The following MARCHF1 variants were observed in gnomAD, a reference collection of about 807,000 sequenced individuals.
The protein encoded by MARCHF1 is E3 ubiquitin-protein ligase MARCHF1.
MARCHF1 carries 40 observed loss-of-function variants against 54.2 expected under a neutral mutation model. That is an observed-to-expected ratio of 0.74 (90% CI 0.57 to 0.96). The LOEUF (loss-of-function observed/expected upper bound fraction) is 0.96, where lower values mean the gene tolerates loss of function less well. MARCHF1 is among the 40% of genes least tolerant of loss of function. The probability of loss-of-function intolerance (pLI) is 0.00; values close to 1 mark genes in which losing one functional copy is unlikely to be tolerated. For missense variants in MARCHF1, 586 were observed against 656.5 expected, an observed-to-expected ratio of 0.89 and a Z score of 1.17; for synonymous variants, 236 against 236.3, an observed-to-expected ratio of 1.00 and a Z score of 0.01.
chr4:164,245,080 A>G (rs1288860420), intron 1 of MARCHF1, among the ~76,000 whole-genome samples: 2 of 152,212 alleles, frequency 1.3e-5, no homozygotes, highest in African/African-American at 2.4e-5. Context: ...TCAATAGAAA[A>G]AGAGGGAACC....
At chr4:164,116,767 ATG>A (rs954106821) in intron 1 of MARCHF1, among the ~76,000 whole-genome samples, 50 of 151,974 alleles carry the variant, frequency 3.3e-4, no homozygotes, top group African/African-American at 1.1e-3. Flanking sequence ...CAAGAAACAA[ATG>A]TGTGTGTGTG....
intron 7 of MARCHF1, among the ~76,000 whole-genome samples, chr4:163,598,820 T>C (rs994515322): frequency 6.6e-6 from 1 of 152,214 alleles, no homozygotes; most frequent in Non-Finnish European, 1.5e-5. Flanking sequence ...AAAAATATTT[T>C]TCTTCTTTCA....
Position 163,717,322 on chromosome 4 carries a change from G to T in MARCHF1, c.112-16459C>A, listed in dbSNP as rs577416973. ...TCATCCATGTCCCTACAAAGGACAT[G>T]AACTCATCATTTTTTATGGCTGCAT... On this transcript the variant is annotated intron_variant, in intron 4 of 9. Transcript: ENST00000514618. 1.1e-3 allele frequency among the ~76,000 whole-genome samples: 166 copies of T among 151,646 alleles called. 4 individuals are homozygous for T. The South Asian group carries it at 0.013, about 12-fold the overall frequency.
rs533593743 is a variant in MARCHF1, at chr4:164,266,700, T to C, written c.-323+117170A>G. Among the ~76,000 whole-genome samples, 968 of 152,278 alleles carry C rather than the reference T, an allele frequency of 6.4e-3. 14 individuals are homozygous for C. The highest frequency in any genetic ancestry group is 0.022 in the African/African-American group (923 of 41,570). Reference sequence around the variant, plus strand: ...TGCCCATTTCAGGAGAAATCTTGCATATGAAAACAAGAGATAAATATACAC... The same window carrying C: ...TGCCCATTTCAGGAGAAATCTTGCACATGAAAACAAGAGATAAATATACAC... On this transcript the variant is annotated intron_variant, in intron 1 of 9. Transcript: ENST00000514618.
chr4:163,955,688 C>T (rs1752218979), intron 3 of MARCHF1, among the ~76,000 whole-genome samples: 2 of 152,148 alleles, frequency 1.3e-5, no homozygotes, highest in South Asian at 4.1e-4. Context: ...AATCCTGTTA[C>T]AGCACTTATG....
At chr4:163,696,407 A>G (rs1215835552) in intron 5 of MARCHF1, among the ~76,000 whole-genome samples, 1 of 152,174 alleles carries the variant, frequency 6.6e-6, no homozygotes, top group African/African-American at 2.4e-5. Flanking sequence ...ACTCATTAAG[A>G]AAAGTCTCAA....
At chr4:164,034,362 C>T (rs573522848) in intron 2 of MARCHF1, among the ~76,000 whole-genome samples, 28 of 152,176 alleles carry the variant, frequency 1.8e-4, no homozygotes, top group African/African-American at 4.3e-4. Context: ...AATGCTTACA[C>T]GCAGTTGGTG....
At chr4:164,041,510 G>C (rs1754128547) in intron 2 of MARCHF1, among the ~76,000 whole-genome samples, 1 of 152,170 alleles carries the variant, frequency 6.6e-6, no homozygotes, top group South Asian at 2.1e-4. Flanking sequence ...TATTTGTTGA[G>C]AGGATGAAGA....
intron 1 of MARCHF1, among the ~76,000 whole-genome samples, chr4:164,149,832 C>A (rs1042859752): frequency 3.9e-5 from 6 of 152,114 alleles, no homozygotes; most frequent in Non-Finnish European, 8.8e-5. Flanking sequence ...CTGGATATTT[C>A]ATAAATTTAT....
chr4:164,066,058 C>A (rs938387373), intron 2 of MARCHF1, among the ~76,000 whole-genome samples: 6 of 152,156 alleles, frequency 3.9e-5, no homozygotes, highest in Non-Finnish European at 7.3e-5. Flanking sequence ...AGAAACAATA[C>A]TTTACCAGCT....
At chr4:164,116,329 A>G (rs530089432) in intron 1 of MARCHF1, among the ~76,000 whole-genome samples, 2 of 152,340 alleles carry the variant, frequency 1.3e-5, no homozygotes, top group South Asian at 4.1e-4. Flanking sequence ...TTAACATTTT[A>G]GGGCAGGAGT....
At chr4:164,180,178 G>C (rs1424119216) in intron 1 of MARCHF1, among the ~76,000 whole-genome samples, 1 of 151,780 alleles carries the variant, frequency 6.6e-6, no homozygotes, top group Non-Finnish European at 1.5e-5. Context: ...TCATGATTAG[G>C]CACAGGGTTA....
chr4:163,896,066 G>A (rs2111291065), intron 3 of MARCHF1, among the ~76,000 whole-genome samples: 1 of 152,198 alleles, frequency 6.6e-6, no homozygotes, highest in African/African-American at 2.4e-5. Context: ...AAAATACCAT[G>A]CGTAACCATT....
intron 9 of MARCHF1, among the ~76,000 whole-genome samples, chr4:163,538,879 A>C (rs946454249): frequency 6.6e-6 from 1 of 152,176 alleles, no homozygotes; most frequent in Non-Finnish European, 1.5e-5. Context: ...GGGGTATCCC[A>C]TCACCTATTG....
At chr4:163,718,543 A>C (rs1252252537) in intron 4 of MARCHF1, among the ~76,000 whole-genome samples, 3 of 152,244 alleles carry the variant, frequency 2.0e-5, no homozygotes, top group Non-Finnish European at 2.9e-5. Context: ...AATCCAATCT[A>C]TTCTGATGTA....
At chr4:164,234,826 C>T (rs868190785) in intron 1 of MARCHF1, 10 of 152,100 alleles carry the variant, frequency 6.6e-5, no homozygotes, top group African/African-American at 2.2e-4. Flanking sequence ...AGTTAAACTA[C>T]CCTTACCAGA....
intron 1 of MARCHF1, among the ~76,000 whole-genome samples, chr4:164,142,102 T>C (rs565426120): frequency 1.8e-4 from 27 of 152,270 alleles, no homozygotes; most frequent in Non-Finnish European, 3.1e-4. Flanking sequence ...CCGAATACTG[T>C]GCTTTTCCAA....
At position 163,612,401 on chromosome 4, in the gene MARCHF1, A is replaced by G; in HGVS notation, c.880T>C (p.Ser294Pro). 2.6e-6 allele frequency: 4 copies of G among 1,535,342 alleles called. No homozygotes were observed. Among genetic ancestry groups the G allele is most frequent in the Non-Finnish European group, 1.7e-6 (2 of 1,146,452 alleles). Residue 294 changes from serine (S) to proline (P), a missense_variant, in exon 7 of 10, where the codon TCC (serine) becomes CCC (proline). Ser to Pro is a moderately conservative substitution (Grantham distance 74). This residue lies in a region of MARCHF1 where 387 missense variants were observed against 394.6 expected (regional missense o/e 0.98). Transcript: ENST00000514618. ...GGAACTCCCAGTATTTCAGTGCTGG[A>G]ATCTGTTTCTGAAAATGTCTTCTTC... ...IMKKTFSETD[S>P]STEILGVPEG... is the part of the protein sequence containing the mutation.
chr4:163,728,316 A>T (rs1745728207), intron 4 of MARCHF1, among the ~76,000 whole-genome samples: 1 of 152,204 alleles, frequency 6.6e-6, no homozygotes, highest in African/African-American at 2.4e-5. Flanking sequence ...ATATTCTGAG[A>T]ATCAGTTTGT....
Sources: allele counts gnomAD v4.1 joint callset (sites outside exome capture counted in the v4.1 genomes callset), GRCh38; gene constraint gnomAD v4.1.1; regional missense constraint gnomAD v4.1.1; transcripts MANE v1.5; gene names NCBI Gene and HGNC (gene_info 2026-07-23, HGNC 2026-07-21).